CCDC148: variants seen among roughly 807,000 people sequenced by gnomAD.
The protein encoded by CCDC148 is coiled-coil domain containing 148.
A neutral mutation model predicts 85.7 loss-of-function variants in CCDC148; 89 were observed. The ratio of observed to expected loss-of-function variants is 1.04; its 90% CI spans 0.87 to 1.24. The LOEUF is 1.24. CCDC148 is among the 50% of genes most tolerant of loss of function. CCDC148 has a pLI of 0.00. For synonymous variants in CCDC148, 230 were observed against 213.9 expected (o/e 1.08, Z -0.66); for missense variants, 692 against 671.7 (o/e 1.03, Z -0.33).
chr2:158,286,555 TGAA>T (rs1481362248), intron 9 of CCDC148, among the ~76,000 whole-genome samples: 2 of 152,190 alleles, frequency 1.3e-5, no homozygotes, highest in Non-Finnish European at 2.9e-5. Flanking sequence ...AAGACACTTA[TGAA>T]GAAGAACAAC....
intron 10 of CCDC148, among the ~76,000 whole-genome samples, chr2:158,243,521 C>T (rs1029159382): frequency 6.6e-6 from 1 of 152,092 alleles, no homozygotes; most frequent in Non-Finnish European, 1.5e-5. Flanking sequence ...TTGAAATAAT[C>T]TCGTCTCTCT....
At chr2:158,349,247 T>C (rs1683143507) in intron 2 of CCDC148, among the ~76,000 whole-genome samples, 1 of 152,044 alleles carries the variant, frequency 6.6e-6, no homozygotes, top group Non-Finnish European at 1.5e-5. Flanking sequence ...AATATGTTTA[T>C]ATTTAATATT....
At chr2:158,178,848 C>G in intron 12 of CCDC148, 31 bp downstream of exon 12, 3 of 1,473,354 alleles carry the variant, frequency 2.0e-6, no homozygotes, top group Non-Finnish European at 2.8e-6. Context: ...TTTAAAAAAA[C>G]CACCCATGAA....
intron 10 of CCDC148, among the ~76,000 whole-genome samples, chr2:158,228,536 T>C (rs1048330906): frequency 2.6e-5 from 4 of 152,084 alleles, no homozygotes; most frequent in Non-Finnish European, 4.4e-5. Context: ...GTATTCACAA[T>C]AGCAAAGACT....
intron 7 of CCDC148, among the ~76,000 whole-genome samples, chr2:158,325,572 C>A (rs1228266584): frequency 6.6e-6 from 1 of 152,114 alleles, no homozygotes; most frequent in Non-Finnish European, 1.5e-5. Flanking sequence ...CCATGTAATT[C>A]CAGTCAAGAG....
At chr2:158,348,306 T>C (rs1683093233) in intron 2 of CCDC148, among the ~76,000 whole-genome samples, 1 of 151,890 alleles carries the variant, frequency 6.6e-6, no homozygotes, top group Non-Finnish European at 1.5e-5. Flanking sequence ...TTACTGGAAA[T>C]ACAAGAAACA....
In CCDC148 at chr2:158,409,907, G is replaced by A. The variant is rs552496909; in HGVS notation, c.25+46508C>T. On this transcript the variant is annotated intron_variant, in intron 1 of 13. Coordinates refer to ENST00000283233, the MANE Select transcript of CCDC148 (RefSeq NM_138803.4). Reference sequence around the variant, plus strand: ...ATACTGTTCTTGTGGTAGTGAATAAGTCTCACAAGATCTGATGGTTTTATA... The same window carrying A: ...ATACTGTTCTTGTGGTAGTGAATAAATCTCACAAGATCTGATGGTTTTATA... 2.1e-3 allele frequency among the ~76,000 whole-genome samples: 318 copies of A among 152,258 alleles called. 2 individuals carry two copies. Among genetic ancestry groups the A allele is most frequent in the African/African-American group, 7.3e-3 (303 of 41,544 alleles).
At position 158,250,866 on chromosome 2, in the gene CCDC148, A is replaced by G. The variant is rs1173829753; in HGVS notation, c.1157T>C (p.Met386Thr). 3 of 1,603,114 alleles carry G rather than the reference A, an allele frequency of 1.9e-6. No homozygotes were observed. Among genetic ancestry groups the G allele is most frequent in the Admixed American group, 1.7e-5 (1 of 59,158 alleles). The stretch of plus-strand genomic sequence containing the variant: ...TTCTCTTCTTCTGGCAGAAATTTCC[A>G]TTTCCAGTCTTGCTACCTCTTCTTG... ...AHQEEVARLE[M>T]EISARRREKE... is the part of the protein sequence containing the mutation. Residue 386 changes from methionine (M) to threonine (T), a missense_variant, in exon 10 of 14, where the codon ATG (methionine) becomes ACG (threonine). Met to Thr is a moderately conservative substitution (Grantham distance 81). Transcript: ENST00000283233.
chr2:158,412,824 TATTTA>T (rs1459581707), intron 1 of CCDC148, among the ~76,000 whole-genome samples: 3 of 106,198 alleles, frequency 2.8e-5, no homozygotes, highest in African/African-American at 1.2e-4. Context: ...GCAATATAAG[TATTTA>T]TTATTATTAT....
chr2:158,191,977 AAG>A (rs545180412), intron 11 of CCDC148, among the ~76,000 whole-genome samples: 268 of 152,142 alleles, frequency 1.8e-3, no homozygotes, highest in Non-Finnish European at 3.1e-3. Flanking sequence ...AAGAAAGGCA[AAG>A]AGAGAGAGAT....
intron 1 of CCDC148, among the ~76,000 whole-genome samples, chr2:158,436,395 T>TG (rs1393579278): frequency 1.3e-5 from 2 of 151,906 alleles, no homozygotes; most frequent in Admixed American, 6.6e-5. Flanking sequence ...CCTAACGAAA[T>TG]AAGGCAGAAA....
At chr2:158,386,754 C>T (rs1314641757) in intron 1 of CCDC148, among the ~76,000 whole-genome samples, 1 of 152,046 alleles carries the variant, frequency 6.6e-6, no homozygotes, top group African/African-American at 2.4e-5. Flanking sequence ...CACCAAATTG[C>T]CCATTTCTCC....
chr2:158,428,846 T>C (rs958237501), intron 1 of CCDC148, among the ~76,000 whole-genome samples: 18 of 152,096 alleles, frequency 1.2e-4, no homozygotes, highest in African/African-American at 2.4e-5. Flanking sequence ...CATATGTTTA[T>C]TGCAGCACTA....
chr2:158,254,294 G>A (rs1393891319), intron 9 of CCDC148, among the ~76,000 whole-genome samples: 1 of 151,568 alleles, frequency 6.6e-6, no homozygotes, highest in Non-Finnish European at 1.5e-5. Context: ...AAGTTTTTAG[G>A]TATGATAATA....
chr2:158,302,415 T>C (rs1691486756), intron 9 of CCDC148, among the ~76,000 whole-genome samples: 2 of 152,088 alleles, frequency 1.3e-5, no homozygotes, highest in South Asian at 4.2e-4. Flanking sequence ...CATGTGGCAT[T>C]CAGCATCCAG....
intron 10 of CCDC148, among the ~76,000 whole-genome samples, chr2:158,226,226 A>G (rs1275720097): frequency 6.6e-6 from 1 of 152,218 alleles, no homozygotes; most frequent in African/African-American, 2.4e-5. Flanking sequence ...AAATTCCTCA[A>G]CACATACACC....
chr2:158,333,551 T>A (rs79742615), intron 7 of CCDC148, among the ~76,000 whole-genome samples: 25,539 of 151,970 alleles, frequency 0.17, 3,447 homozygotes, highest in African/African-American at 0.38. Flanking sequence ...TCCTGAGCTG[T>A]GTTCATTTCC....
At chr2:158,248,314 A>G (rs1559016278) in intron 10 of CCDC148, among the ~76,000 whole-genome samples, 2 of 152,172 alleles carry the variant, frequency 1.3e-5, no homozygotes, top group Admixed American at 1.3e-4. Flanking sequence ...TCTCTCCTTT[A>G]TTTAAATTTT....
intron 3 of CCDC148, among the ~76,000 whole-genome samples, chr2:158,342,026 C>CTTTTTTTTTTTTTTTTTTTTTTTTTTT (rs1159799812): frequency 1.6e-5 from 1 of 62,660 alleles, no homozygotes; most frequent in African/African-American, 7.2e-5. Context: ...ATTTTCTTTT[C>CTTTTTTTTTTTTTTTTTTTTTTTTTTT]TTTTTTTTTT....
Sources: gnomAD v4.1 joint callset for allele counts (sites outside exome capture counted in the v4.1 genomes callset) on GRCh38, gnomAD v4.1.1 for gene constraint, MANE v1.5 for transcripts, NCBI Gene and HGNC (gene_info 2026-07-23, HGNC 2026-07-21) for gene names.